The following KCTD16 variants were observed in gnomAD, a reference collection of about 807,000 sequenced individuals.
KCTD16 encodes the protein BTB/POZ domain-containing protein KCTD16.
KCTD16 carries 13 observed loss-of-function variants against 33.2 expected under a neutral mutation model. The observed-to-expected ratio is 0.39, with a 90% CI of 0.25 to 0.62. KCTD16 has a LOEUF of 0.62. Among genes scored for constraint, KCTD16 ranks in the 20% least tolerant of loss-of-function variants. The pLI, the probability that KCTD16 is intolerant of heterozygous loss-of-function variation, is 0.50. For synonymous variants in KCTD16, 197 were observed against 195.3 expected (o/e 1.01, Z -0.07); for missense variants, 441 against 525.1 (o/e 0.84, Z 1.57).
chr5:144,449,476 A>G (rs377726343), intron 3 of KCTD16, among the ~76,000 whole-genome samples: 48 of 152,154 alleles, frequency 3.2e-4, no homozygotes, highest in African/African-American at 1.1e-3. Context: ...TGATGGTATC[A>G]GACTTCCTAG....
intron 3 of KCTD16, among the ~76,000 whole-genome samples, chr5:144,247,500 C>T (rs1754582365): frequency 1.3e-5 from 2 of 152,168 alleles, no homozygotes; most frequent in African/African-American, 4.8e-5. Context: ...TGGCTCCAAA[C>T]ATGGGAGCAC....
At chr5:144,345,733 T>C (rs1752780950) in intron 3 of KCTD16, among the ~76,000 whole-genome samples, 1 of 152,088 alleles carries the variant, frequency 6.6e-6, no homozygotes, top group Non-Finnish European at 1.5e-5. Flanking sequence ...GGGTACATAG[T>C]AGGTGTATCT....
intron 3 of KCTD16, among the ~76,000 whole-genome samples, chr5:144,396,093 T>C (rs1171933655): frequency 2.0e-5 from 3 of 151,988 alleles, no homozygotes; most frequent in Non-Finnish European, 2.9e-5. Context: ...GTGGATGACA[T>C]AATGGGGAGG....
At chr5:144,433,481 T>G (rs1753511530) in intron 3 of KCTD16, among the ~76,000 whole-genome samples, 1 of 152,136 alleles carries the variant, frequency 6.6e-6, no homozygotes, top group African/African-American at 2.4e-5. Flanking sequence ...GATTTTCATA[T>G]AACATCTGAT....
At chr5:144,180,559 G>T (rs2126773226) in intron 2 of KCTD16, among the ~76,000 whole-genome samples, 1 of 152,216 alleles carries the variant, frequency 6.6e-6, no homozygotes. Context: ...CCAAAATTTG[G>T]GCAGGCTTGT....
chr5:144,435,399 T>C (rs1463356093), intron 3 of KCTD16, among the ~76,000 whole-genome samples: 1 of 152,212 alleles, frequency 6.6e-6, no homozygotes, highest in East Asian at 1.9e-4. Context: ...GCCACTTGGT[T>C]TTCCCTACAC....
intron 3 of KCTD16, among the ~76,000 whole-genome samples, chr5:144,335,293 A>G (rs1339042763): frequency 6.6e-6 from 1 of 152,250 alleles, no homozygotes. Context: ...GTATAAGAAG[A>G]AGACAGAGAA....
At chr5:144,460,079 G>C (rs912704094) in intron 3 of KCTD16, among the ~76,000 whole-genome samples, 1 of 151,942 alleles carries the variant, frequency 6.6e-6, no homozygotes, top group Non-Finnish European at 1.5e-5. Flanking sequence ...TGATCCGCCC[G>C]CCTCAGCCTC....
intron 3 of KCTD16, among the ~76,000 whole-genome samples, chr5:144,243,866 C>A (rs534615965): frequency 6.6e-6 from 1 of 152,224 alleles, no homozygotes; most frequent in South Asian, 2.1e-4. Context: ...GCCTCAGCCT[C>A]CTGAGTAGCT....
intron 3 of KCTD16, among the ~76,000 whole-genome samples, chr5:144,447,255 C>T (rs368256906): frequency 1.2e-4 from 18 of 152,076 alleles, no homozygotes; most frequent in African/African-American, 4.3e-4. Flanking sequence ...ATGTCCTTAG[C>T]AGGGACGTGG....
At chr5:144,427,525 T>C (rs1362832062) in intron 3 of KCTD16, among the ~76,000 whole-genome samples, 4 of 152,102 alleles carry the variant, frequency 2.6e-5, no homozygotes, top group African/African-American at 9.7e-5. Context: ...TTGTGCCCTC[T>C]TGAATCTGAT....
At chr5:144,264,652 G>A (rs1334638209) in intron 3 of KCTD16, among the ~76,000 whole-genome samples, 1 of 152,134 alleles carries the variant, frequency 6.6e-6, no homozygotes, top group Non-Finnish European at 1.5e-5. Flanking sequence ...GCCCGCCTGT[G>A]ATTCCAGCCA....
At chr5:144,281,573 A>G (rs1318694094) in intron 3 of KCTD16, among the ~76,000 whole-genome samples, 5 of 152,218 alleles carry the variant, frequency 3.3e-5, no homozygotes, top group Non-Finnish European at 7.4e-5. Flanking sequence ...GCATTATTTC[A>G]GTTAAAATGC....
At chr5:144,273,980 TATA>T (rs1440970220) in intron 3 of KCTD16, among the ~76,000 whole-genome samples, 1 of 150,030 alleles carries the variant, frequency 6.7e-6, no homozygotes, top group Non-Finnish European at 1.5e-5. Flanking sequence ...TATATTAAAA[TATA>T]ATAATATTTT....
chr5:144,352,040 A>C (rs1231384212), intron 3 of KCTD16, among the ~76,000 whole-genome samples: 1 of 152,218 alleles, frequency 6.6e-6, no homozygotes, highest in Non-Finnish European at 1.5e-5. Flanking sequence ...TATTCTTAAC[A>C]AAAAAATAAG....
chr5:144,409,555 G>A (rs1462215145), intron 3 of KCTD16, among the ~76,000 whole-genome samples: 2 of 151,896 alleles, frequency 1.3e-5, no homozygotes, highest in Non-Finnish European at 2.9e-5. Flanking sequence ...GGAGAAGACA[G>A]CAATGAAAAC....
At chr5:144,250,979 C>T (rs1268904718) in intron 3 of KCTD16, among the ~76,000 whole-genome samples, 1 of 152,020 alleles carries the variant, frequency 6.6e-6, no homozygotes, top group Non-Finnish European at 1.5e-5. Context: ...GTATTGTTAT[C>T]TAGTCTCCTG....
At chr5:144,275,464 C>T (rs1755413226) in intron 3 of KCTD16, among the ~76,000 whole-genome samples, 1 of 152,174 alleles carries the variant, frequency 6.6e-6, no homozygotes, top group African/African-American at 2.4e-5. Context: ...CTGCCTTGCC[C>T]TATTTACAGA....
intron 3 of KCTD16, among the ~76,000 whole-genome samples, chr5:144,237,464 A>G (rs1754285634): frequency 6.6e-6 from 1 of 152,142 alleles, no homozygotes; most frequent in Non-Finnish European, 1.5e-5. Context: ...CAAGTTAAAC[A>G]TAAATGACTT....
Sources: allele counts gnomAD v4.1 joint callset (sites outside exome capture counted in the v4.1 genomes callset), GRCh38; gene constraint gnomAD v4.1.1; transcripts MANE v1.5; gene names NCBI Gene and HGNC (gene_info 2026-07-23, HGNC 2026-07-21).